CNTNAP2: variants seen among roughly 807,000 people sequenced by gnomAD.
The protein encoded by CNTNAP2 is contactin-associated protein-like 2.
A neutral mutation model predicts 155.2 loss-of-function variants in CNTNAP2; 98 were observed. The ratio of observed to expected loss-of-function variants is 0.63; its 90% confidence interval spans 0.54 to 0.75. The LOEUF (loss-of-function observed/expected upper bound fraction) is 0.75. Among genes scored for constraint, CNTNAP2 ranks in the 30% least tolerant of loss-of-function variants. CNTNAP2 has a pLI of 0.00. For missense variants in CNTNAP2, 1,727 were observed against 1,688.1 expected, an observed-to-expected ratio of 1.02 and a Z score of -0.40; for synonymous variants, 651 against 631.2, an observed-to-expected ratio of 1.03 and a Z score of -0.47.
chr7:148,168,333 C>T (rs1184936954), intron 17 of CNTNAP2, among the ~76,000 whole-genome samples: 1 of 151,974 alleles, frequency 6.6e-6, no homozygotes, highest in African/African-American at 2.4e-5. Context: ...CAATGATAGA[C>T]TGGATTAAGA....
intron 15 of CNTNAP2, among the ~76,000 whole-genome samples, chr7:147,998,142 C>A (rs1157672124): frequency 1.6e-5 from 2 of 128,306 alleles, no homozygotes; most frequent in Admixed American, 1.8e-4. Context: ...GACGGAGTCT[C>A]ACCCTGCTGC....
In CNTNAP2 at chr7:146,309,347, C is replaced by T. The variant is rs546319617; in HGVS notation, c.97+192374C>T. On this transcript the variant is annotated intron_variant, in intron 1 of 23. Coordinates refer to ENST00000361727, the MANE Select transcript of CNTNAP2 (RefSeq NM_014141.6). ...GGGTCTCTGTTAGGGGGTATGAGTA[C>T]GCTGAAAATGAAGCACTCTCCAAGC... 2.3e-4 allele frequency among the ~76,000 whole-genome samples: 35 copies of T among 152,122 alleles called. 1 individual carries two copies. Among genetic ancestry groups the T allele is most frequent in the African/African-American group, 6.7e-4 (28 of 41,498 alleles).
At chr7:147,749,573 G>C (rs112092772) in intron 13 of CNTNAP2, among the ~76,000 whole-genome samples, 142 of 152,126 alleles carry the variant, frequency 9.3e-4, no homozygotes, top group African/African-American at 3.2e-3. Flanking sequence ...GATCCTTACT[G>C]TTTCCCAAAA....
intron 1 of CNTNAP2, among the ~76,000 whole-genome samples, chr7:146,505,569 A>G (rs1797371245): frequency 6.6e-6 from 1 of 152,310 alleles, no homozygotes; most frequent in Non-Finnish European, 1.5e-5. Flanking sequence ...CCATTCCCCT[A>G]TGAATGGTCA....
chr7:146,860,692 G>C (rs1369054674), intron 3 of CNTNAP2, among the ~76,000 whole-genome samples: 1 of 151,758 alleles, frequency 6.6e-6, no homozygotes, highest in Non-Finnish European at 1.5e-5. Flanking sequence ...CCTAAAGAAA[G>C]CATCTACATT....
rs147926831 is a variant in CNTNAP2, at chr7:147,108,922, G to A, written c.754+572G>A. Among the ~76,000 whole-genome samples, 1,319 of 152,242 alleles carry A rather than the reference G, an allele frequency of 8.7e-3. 16 individuals carry two copies. Among genetic ancestry groups the A allele is most frequent in the African/African-American group, 0.029 (1,223 of 41,536 alleles). ...AGAGAACATGGAAGACCAAAAGCAC[G>A]CTCAAGAAGCAGGAAGGATGCCGCC... On this transcript the variant is annotated intron_variant, in intron 5 of 23. Coordinates refer to ENST00000361727, the MANE Select transcript of CNTNAP2 (RefSeq NM_014141.6).
At position 148,308,014 on chromosome 7, in the gene CNTNAP2, G is replaced by C. The variant is rs1167387327; in HGVS notation, c.3475+40888G>C. On this transcript the variant is annotated intron_variant, in intron 21 of 23. Transcript: ENST00000361727. Reference sequence around the variant, plus strand: ...TAAACACTCATTTCACAATATTCTTGACTTATTAAAGCTGGAGTCATGGCA... The same window carrying C: ...TAAACACTCATTTCACAATATTCTTCACTTATTAAAGCTGGAGTCATGGCA... 2.0e-5 allele frequency among the ~76,000 whole-genome samples: 3 copies of C among 152,224 alleles called. No individual in the cohort carries two copies. The East Asian group carries it at 5.8e-4, about 29-fold the overall frequency.
chr7:146,662,649 A>AT (rs1800112503), intron 1 of CNTNAP2, among the ~76,000 whole-genome samples: 2 of 148,300 alleles, frequency 1.3e-5, no homozygotes, highest in South Asian at 4.6e-4. Context: ...ACCAGTTTGT[A>AT]TTTTTTATGC....
rs35756000 is a variant in CNTNAP2, at chr7:147,973,160, TAA to T, written c.2256-4682_2256-4681del. On this transcript the variant is annotated intron_variant, in intron 14 of 23. Transcript: ENST00000361727. ...CAGAGCAAGACCCTGTCTCTAAAATTAAAAAAAAAAAAAAAAAAAAAGTAGGT... is the reference window on the plus strand; with the variant it reads ...CAGAGCAAGACCCTGTCTCTAAAATTAAAAAAAAAAAAAAAAAAAGTAGGT... Among the ~76,000 whole-genome samples, 150 of 120,822 alleles carry T rather than the reference TAA, an allele frequency of 1.2e-3. 3 individuals carry two copies. Among genetic ancestry groups the T allele is most frequent in the African/African-American group, 3.7e-3 (108 of 28,944 alleles). 79.3% of individuals were successfully genotyped at this position (120,822 alleles called of 152,430 possible). A position where few individuals can be genotyped will look rare whatever the true frequency, so the allele number is the denominator to read the frequency against.
chr7:146,675,099 C>T (rs748762785), intron 1 of CNTNAP2, among the ~76,000 whole-genome samples: 1 of 152,082 alleles, frequency 6.6e-6, no homozygotes, highest in African/African-American at 2.4e-5. Context: ...AACATTACAT[C>T]TTATTTATTT....
rs1346364048 is a variant in CNTNAP2 at position 146,887,723 on chromosome 7, A to T, written c.402+47819A>T. On this transcript the variant is annotated intron_variant, in intron 3 of 23. Transcript: ENST00000361727. ...ATTAAGTTGAGTCTGGCCTTAATAA[A>T]CTCAGGCTGGCTTCCTGATATGCTT... is the stretch of plus-strand genomic sequence containing the variant. Among the ~76,000 whole-genome samples, 3 of 152,022 alleles carry T rather than the reference A, an allele frequency of 2.0e-5. No individual in the cohort carries two copies. The East Asian group carries it at 5.8e-4, about 29-fold the overall frequency.
chr7:146,511,110 G>A (rs1797459156), intron 1 of CNTNAP2, among the ~76,000 whole-genome samples: 1 of 152,068 alleles, frequency 6.6e-6, no homozygotes, highest in Admixed American at 6.5e-5. Context: ...ATGTTAGCCA[G>A]GAAGGTCTTG....
intron 13 of CNTNAP2, among the ~76,000 whole-genome samples, chr7:147,796,638 C>T (rs550444530): frequency 9.9e-5 from 15 of 151,970 alleles, no homozygotes; most frequent in African/African-American, 3.6e-4. Context: ...GGAATACCCT[C>T]ATGCAGATAA....
chr7:148,118,591 G>T (rs1804527583), intron 16 of CNTNAP2, among the ~76,000 whole-genome samples: 2 of 152,130 alleles, frequency 1.3e-5, no homozygotes, highest in African/African-American at 4.8e-5. Flanking sequence ...GTCTTGTGTG[G>T]CTGTTTTCCA....
rs551662512 is a variant in CNTNAP2, at chr7:147,217,545, T to G, written c.1349-82596T>G. On this transcript the variant is annotated intron_variant, in intron 8 of 23. Coordinates refer to ENST00000361727, the MANE Select transcript of CNTNAP2 (RefSeq NM_014141.6). ...TAATTCTTTTTGTATATATTTGGAT[T>G]CAATTTGCTAATATTTTGTTGAGGA... is the stretch of plus-strand genomic sequence containing the variant. 2.6e-5 allele frequency among the ~76,000 whole-genome samples: 4 copies of G among 152,170 alleles called. No individual in the cohort carries two copies. The South Asian group carries it at 6.2e-4, about 24-fold the overall frequency.
chr7:147,650,834 T>A (rs1304321435), intron 13 of CNTNAP2, among the ~76,000 whole-genome samples: 1 of 152,096 alleles, frequency 6.6e-6, no homozygotes, highest in Non-Finnish European at 1.5e-5. Flanking sequence ...GAGTGAAATT[T>A]TTTTTATGAT....
intron 3 of CNTNAP2, among the ~76,000 whole-genome samples, chr7:146,980,187 G>A (rs1797987224): frequency 6.6e-6 from 1 of 152,000 alleles, no homozygotes; most frequent in South Asian, 2.1e-4. Flanking sequence ...GGTGGATAGG[G>A]GGATGTGGTA....
chr7:146,570,746 GTAA>G (rs1798429052), intron 1 of CNTNAP2, among the ~76,000 whole-genome samples: 1 of 151,944 alleles, frequency 6.6e-6, no homozygotes, highest in Non-Finnish European at 1.5e-5. Flanking sequence ...TGTATGAAGA[GTAA>G]TAATAATGAT....
intron 13 of CNTNAP2, among the ~76,000 whole-genome samples, chr7:147,821,566 A>G (rs985390087): frequency 3.6e-4 from 55 of 152,200 alleles, no homozygotes; most frequent in Non-Finnish European, 6.3e-4. Context: ...TGAATGTGAA[A>G]TGGAAGTCCT....
Sources: allele counts gnomAD v4.1 joint callset (sites outside exome capture counted in the v4.1 genomes callset), GRCh38; gene constraint gnomAD v4.1.1; transcripts MANE v1.5; gene names NCBI Gene and HGNC (gene_info 2026-07-23, HGNC 2026-07-21).